The following HDAC9 variants were observed in gnomAD, a reference collection of about 807,000 sequenced individuals.
HDAC9 encodes histone deacetylase 9.
A neutral mutation model predicts 139.4 loss-of-function variants in HDAC9; 41 were observed. That is an observed-to-expected ratio of 0.29 (90% CI 0.23 to 0.38). HDAC9 has a LOEUF of 0.38. Among genes scored for constraint, HDAC9 ranks in the 10% least tolerant of loss-of-function variants. HDAC9 has a pLI of 1.00. For synonymous variants in HDAC9, 517 were observed against 476.2 expected (o/e 1.09, Z -1.12); for missense variants, 1,147 against 1,297.0 (o/e 0.88, Z 1.78).
intron 2 of HDAC9, among the ~76,000 whole-genome samples, chr7:18,531,687 CT>C (rs1809002643): frequency 6.6e-6 from 1 of 151,858 alleles, no homozygotes; most frequent in South Asian, 2.1e-4. Context: ...TCCTTTCATA[CT>C]TTTACCCCCT....
chr7:18,819,919 T>C (rs1339761696), intron 17 of HDAC9, among the ~76,000 whole-genome samples: 1 of 152,200 alleles, frequency 6.6e-6, no homozygotes, highest in Non-Finnish European at 1.5e-5. Flanking sequence ...TTGGTCTTTG[T>C]AACTTAAAAT....
At chr7:18,306,011 A>C (rs1240808696) in intron 1 of HDAC9, among the ~76,000 whole-genome samples, 1 of 152,186 alleles carries the variant, frequency 6.6e-6, no homozygotes, top group Non-Finnish European at 1.5e-5. Flanking sequence ...TGAGACATGG[A>C]ATGAAGTGTA....
At chr7:18,336,392 A>C (rs1243893223) in intron 1 of HDAC9, among the ~76,000 whole-genome samples, 1 of 151,624 alleles carries the variant, frequency 6.6e-6, no homozygotes, top group Non-Finnish European at 1.5e-5. Flanking sequence ...CCACATACAT[A>C]AGCAGAGTTA....
chr7:18,666,531 T>A, intron 12 of HDAC9, 55 bp downstream of exon 12: 1 of 1,572,904 alleles, frequency 6.4e-7, no homozygotes, highest in Non-Finnish European at 8.6e-7. Flanking sequence ...TATCTGAACA[T>A]GAAATGCATT....
chr7:18,789,880 A>G (rs778226280), intron 16 of HDAC9, among the ~76,000 whole-genome samples: 2 of 152,148 alleles, frequency 1.3e-5, no homozygotes, highest in African/African-American at 4.8e-5. Context: ...CAGCAGTTGA[A>G]ATCAGAGCTC....
intron 16 of HDAC9, among the ~76,000 whole-genome samples, chr7:18,769,616 G>A (rs114955485): frequency 3.3e-3 from 495 of 152,194 alleles, no homozygotes; most frequent in African/African-American, 0.011. Flanking sequence ...GTTTGACTCA[G>A]TATTTTTGTT....
At chr7:18,190,053 C>T (rs1431094139) in intron 2 of HDAC9, among the ~76,000 whole-genome samples, 1 of 151,920 alleles carries the variant, frequency 6.6e-6, no homozygotes, top group Non-Finnish European at 1.5e-5. Flanking sequence ...AATTCTTCTG[C>T]CTCAACCTCC....
chr7:18,529,834 G>T (rs902190459), intron 2 of HDAC9, among the ~76,000 whole-genome samples: 1 of 152,086 alleles, frequency 6.6e-6, no homozygotes, highest in Non-Finnish European at 1.5e-5. Context: ...TGTGGTTCAT[G>T]ATTTTCCATG....
intron 2 of HDAC9, among the ~76,000 whole-genome samples, chr7:18,244,735 T>C (rs904076853): frequency 2.0e-5 from 3 of 151,976 alleles, no homozygotes; most frequent in African/African-American, 7.3e-5. Flanking sequence ...GAGGCGGAGC[T>C]TGCAGTGAGC....
chr7:18,705,900 A>G (rs929614639), intron 12 of HDAC9, among the ~76,000 whole-genome samples: 4 of 150,626 alleles, frequency 2.7e-5, no homozygotes, highest in Admixed American at 1.3e-4. Context: ...GTTCAGACCC[A>G]TAGGCATTAT....
intron 2 of HDAC9, among the ~76,000 whole-genome samples, chr7:18,274,191 T>A (rs1324905748): frequency 6.6e-6 from 1 of 152,226 alleles, no homozygotes; most frequent in African/African-American, 2.4e-5. Context: ...TTCTATTAGT[T>A]CATTTTGTGT....
chr7:18,686,524 C>A (rs1042277759), intron 12 of HDAC9, among the ~76,000 whole-genome samples: 3 of 151,912 alleles, frequency 2.0e-5, no homozygotes, highest in African/African-American at 7.2e-5. Context: ...AAATCCCCAA[C>A]TCTTCCATTC....
intron 22 of HDAC9, among the ~76,000 whole-genome samples, chr7:18,888,325 TG>T (rs1800357333): frequency 6.6e-6 from 1 of 152,162 alleles, no homozygotes; most frequent in Non-Finnish European, 1.5e-5. Flanking sequence ...CTCGGGAGGC[TG>T]AGGCAGGAAA....
At chr7:18,775,711 C>G (rs1270654250) in intron 16 of HDAC9, among the ~76,000 whole-genome samples, 3 of 151,338 alleles carry the variant, frequency 2.0e-5, no homozygotes, top group Admixed American at 6.6e-5. Context: ...TCAATTCCCA[C>G]TCATGTATCT....
intron 1 of HDAC9, among the ~76,000 whole-genome samples, chr7:18,104,955 C>T (rs75995738): frequency 0.027 from 4,066 of 151,984 alleles, 90 homozygotes; most frequent in South Asian, 0.058. Flanking sequence ...TTATCTTAAT[C>T]AGACAATCAT....
chr7:18,146,980 AT>A (rs1161194012), intron 1 of HDAC9, among the ~76,000 whole-genome samples: 6 of 152,192 alleles, frequency 3.9e-5, no homozygotes, highest in Non-Finnish European at 8.8e-5. Context: ...CAAAAAGTGG[AT>A]TTATTTTTTT....
intron 16 of HDAC9, chr7:18,793,072 C>A: frequency 2.4e-6 from 1 of 410,018 alleles, no homozygotes; most frequent in Non-Finnish European, 4.6e-6. Context: ...CAGGGAATGG[C>A]AGTGAGGCAT....
chr7:18,956,488 C>T (rs1783158366), intron 24 of HDAC9, among the ~76,000 whole-genome samples: 1 of 151,970 alleles, frequency 6.6e-6, no homozygotes, highest in Non-Finnish European at 1.5e-5. Flanking sequence ...GGGAGCCTGG[C>T]CATTAAAAGC....
intron 1 of HDAC9, among the ~76,000 whole-genome samples, chr7:18,153,903 G>A (rs778334874): frequency 6.6e-5 from 10 of 152,142 alleles, no homozygotes; most frequent in Non-Finnish European, 1.0e-4. Context: ...GGGCACATCT[G>A]CTTGTGCCTA....
Sources: gnomAD v4.1 joint callset for allele counts (sites outside exome capture counted in the v4.1 genomes callset) on GRCh38, gnomAD v4.1.1 for gene constraint, MANE v1.5 for transcripts, NCBI Gene and HGNC (gene_info 2026-07-23, HGNC 2026-07-21) for gene names.